ECM1: variants seen among roughly 807,000 people sequenced by gnomAD.
The protein encoded by ECM1 is extracellular matrix protein 1.
ECM1 carries 54 observed loss-of-function variants against 57.9 expected under a neutral mutation model. The observed-to-expected ratio is 0.93, with a 90% CI of 0.75 to 1.17. The LOEUF (loss-of-function observed/expected upper bound fraction) is 1.17. Among genes scored for constraint, ECM1 ranks in the 50% most tolerant of loss-of-function variants. ECM1 has a pLI of 0.00. For synonymous variants in ECM1, 237 were observed against 259.1 expected (o/e 0.91, Z 0.82); for missense variants, 649 against 688.1 (o/e 0.94, Z 0.64).
chr1:150,510,278 C>A, intron 5 of ECM1, 96 bp downstream of exon 5: 1 of 1,153,196 alleles, frequency 8.7e-7, no homozygotes, highest in Non-Finnish European at 1.3e-6. Flanking sequence ...CTCTGCCACT[C>A]ACCAGTTGTA....
At position 150,513,381 on chromosome 1, in the gene ECM1, G is replaced by A. The variant is rs1461659813; in HGVS notation, c.1537G>A (p.Asp513Asn). The A allele has an allele frequency of 6.2e-7, 1 of 1,614,094 alleles. No individual in the cohort carries two copies. Among genetic ancestry groups the A allele is most frequent in the African/African-American group, 1.3e-5 (1 of 74,944 alleles). Residue 513 changes from aspartate to asparagine, a missense_variant, in exon 10 of 10, where the codon GAC becomes AAC. Coordinates refer to ENST00000369047, the MANE Select transcript of ECM1 (RefSeq NM_004425.4). ...GAGGAACGTGGCTCTAGTGTCTGGA[G>A]ACACTGAGAACGCCAAGGGCCAGGG... is the stretch of plus-strand genomic sequence containing the variant. ...YLRNVALVSG[D>N]TENAKGQGEQ... is the part of the protein sequence containing the mutation.
chr1:150,512,394 G>T lies in ECM1; in HGVS notation c.1126G>T (p.Val376Leu). The part of the protein sequence containing the change: ...LDKYCDREYA[V>L]KTHHHLCCRH... ...CAAATACTGTGACCGGGAGTATGCT[G>T]TGAAGACCCACCACCACTTGTGTTG... Residue 376 changes from valine to leucine, a missense_variant, in exon 8 of 10, where the codon GTG becomes TTG. By Grantham distance (32) the Val-to-Leu change is conservative. Transcript: ENST00000369047. 1 of 1,613,272 alleles carries T rather than the reference G, an allele frequency of 6.2e-7. No individual in the cohort carries two copies. The highest frequency in any genetic ancestry group is 8.5e-7 in the Non-Finnish European group (1 of 1,179,896).
In ECM1 at chr1:150,511,563, A is replaced by C. The variant is rs1432925469; in HGVS notation, c.815A>C (p.Glu272Ala). 1 of 1,614,118 alleles carries C rather than the reference A, an allele frequency of 6.2e-7. No individual in the cohort carries two copies. Among genetic ancestry groups the C allele is most frequent in the Non-Finnish European group, 8.5e-7 (1 of 1,180,012 alleles). The change falls in exon 7 of 10, where the codon GAG becomes GCG. Residue 272 changes from glutamate (E) to alanine (A), a missense_variant. Glu to Ala is a moderately radical substitution (Grantham distance 107). Transcript: ENST00000369047. Reference sequence around the variant, plus strand: ...GAGGCTCGGTTCTCCTGCTTCCAGGAGGAAGCTCCCCAGCCACACTACCAG... The same window carrying C: ...GAGGCTCGGTTCTCCTGCTTCCAGGCGGAAGCTCCCCAGCCACACTACCAG... ...QGEARFSCFQ[E>A]EAPQPHYQLR...
rs767366253 is a variant in ECM1, at chr1:150,511,173, A to G, written c.683A>G (p.Asn228Ser). The change falls in exon 6 of 10, where the codon AAC becomes AGC. Residue 228 changes from asparagine to serine, a missense_variant. Asn to Ser is a conservative substitution (Grantham distance 46, BLOSUM62 1). Coordinates refer to ENST00000369047, the MANE Select transcript of ECM1 (RefSeq NM_004425.4). ...SRCCHCRSHT[N>S]RLECAKLVWE... Reference sequence around the variant, plus strand: ...TGCTGCCACTGCCGCAGCCACACAAACCGCCTAGAGTGTGCCAAACTTGTG... The same window carrying G: ...TGCTGCCACTGCCGCAGCCACACAAGCCGCCTAGAGTGTGCCAAACTTGTG... The G allele has an allele frequency of 1.9e-6, 3 of 1,613,850 alleles. No individual in the cohort carries two copies. The African/African-American group carries it at 4.0e-5, about 22-fold the overall frequency.
Position 150,513,449 on chromosome 1 carries a change from T to G in ECM1, c.1605T>G (p.Ser535=). The G allele has an allele frequency of 6.2e-7, 1 of 1,613,386 alleles. No individual in the cohort carries two copies. The highest frequency in any genetic ancestry group is 8.5e-7 in the Non-Finnish European group (1 of 1,179,982). Reference sequence around the variant, plus strand: ...GAGGAACAAATATCAGCTCCACCTCTGAGCCCAAGGAAGAATGAGTCACCC... The same window carrying G: ...GAGGAACAAATATCAGCTCCACCTCGGAGCCCAAGGAAGAATGAGTCACCC... ...STGGTNISST[S]EPKEE The change falls in exon 10 of 10, where the codon TCT becomes TCG. Residue 535 remains serine (S), a synonymous_variant. Transcript: ENST00000369047.
Position 150,511,596 on chromosome 1 carries a change from C to T in ECM1, c.848C>T (p.Ala283Val). ...CCCCAGCCACACTACCAGCTCCGGGCCTGCCCCAGCCATCAGCCTGATATT... is the reference window on the plus strand; with the variant it reads ...CCCCAGCCACACTACCAGCTCCGGGTCTGCCCCAGCCATCAGCCTGATATT... ...EAPQPHYQLR[A>V]CPSHQPDISS... The change falls in exon 7 of 10, where the codon GCC becomes GTC. Residue 283 changes from alanine to valine, a missense_variant. Coordinates refer to ENST00000369047, the MANE Select transcript of ECM1 (RefSeq NM_004425.4). 1 of 1,614,170 alleles carries T rather than the reference C, an allele frequency of 6.2e-7. No individual in the cohort carries two copies.
chr1:150,512,400 AC>A lies in ECM1; in HGVS notation c.1135del (p.His379ThrfsTer32). The A allele has an allele frequency of 6.2e-7, 1 of 1,612,596 alleles. No homozygotes were observed. Among genetic ancestry groups the A allele is most frequent in the South Asian group, 1.1e-5 (1 of 90,930 alleles). ...KYCDREYAVK[T>X]HHHLCCRHPP... ...CTGTGACCGGGAGTATGCTGTGAAG[AC>A]CCACCACCACTTGTGTTGCCGCCAC... On this transcript the variant is annotated frameshift_variant, in exon 8 of 10. Transcript: ENST00000369047. LOFTEE classifies it high-confidence loss of function.
Position 150,512,958 on chromosome 1 carries a change from GA to G in ECM1, c.1392+150del, listed in dbSNP as rs1385710734. On this transcript the variant is annotated intron_variant, in intron 9 of 9. Transcript: ENST00000369047. Reference sequence around the variant, plus strand: ...GGGAGGTGTTTTTTTCTTGGTTCCAGAAAAGTCTTCACTCTGACCTGGCCTG... The same window carrying G: ...GGGAGGTGTTTTTTTCTTGGTTCCAGAAAGTCTTCACTCTGACCTGGCCTG... The G allele has an allele frequency of 1.0e-5, 10 of 990,798 alleles. No homozygotes were observed. In the Admixed American group the frequency reaches 1.0e-4, roughly 10 times the overall value. The allele number at this position is 990,798 out of a possible 1,614,324, so 61.4% of individuals were successfully genotyped here.
chr1:150,512,079 C>T (rs875514), intron 7 of ECM1, among the ~76,000 whole-genome samples: 3 of 150,190 alleles, frequency 2.0e-5, no homozygotes, highest in African/African-American at 4.9e-5. Flanking sequence ...TCCATCCATC[C>T]GTCCAGCTCT....
intron 8 of ECM1, 52 bp downstream of exon 8, chr1:150,512,624 T>C (rs1670475868): frequency 6.2e-7 from 1 of 1,612,712 alleles, no homozygotes; most frequent in African/African-American, 1.3e-5. Flanking sequence ...AACTTCCTTT[T>C]GGGACACCTT....
rs374399587 is a variant in ECM1 at position 150,511,002 on chromosome 1, G to A, written c.512G>A (p.Arg171Gln). 118 of 1,614,040 alleles carry A rather than the reference G, an allele frequency of 7.3e-5. No individual in the cohort carries two copies. Among genetic ancestry groups the A allele is most frequent in the Middle Eastern group, 1.6e-4 (1 of 6,084 alleles). Residue 171 changes from arginine (R) to glutamine (Q), a missense_variant, in exon 6 of 10, where the codon CGG (arginine) becomes CAG (glutamine). Coordinates refer to ENST00000369047, the MANE Select transcript of ECM1 (RefSeq NM_004425.4). ...GHRLDGFPPG[R>Q]PSPDNLNQIC... ...CGGCTGGATGGCTTCCCCCCTGGGC[G>A]GCCTTCTCCAGACAATCTGAACCAA...
intron 5 of ECM1, chr1:150,510,437 T>C: frequency 6.7e-6 from 4 of 594,086 alleles, no homozygotes; most frequent in South Asian, 4.1e-5. Flanking sequence ...TCTTTGTGCA[T>C]GTAAACTAGC....
chr1:150,508,141 C>T lies in ECM1; in HGVS notation c.-69C>T, dbSNP rs751558983. The T allele has an allele frequency of 3.4e-6, 5 of 1,463,838 alleles. No individual in the cohort carries two copies. The highest frequency in any genetic ancestry group is 4.8e-6 in the Non-Finnish European group (5 of 1,044,244). 90.7% of individuals were successfully genotyped at this position (1,463,838 alleles called of 1,614,324 possible). On this transcript the variant is annotated 5_prime_UTR_variant, in exon 1 of 10. Coordinates refer to ENST00000369047, the MANE Select transcript of ECM1 (RefSeq NM_004425.4). The stretch of plus-strand genomic sequence containing the variant: ...ACAGCCACCAGACAAGCTTCAGTGG[C>T]CGGCCCTTCACATCCAGACTTGCCT...
chr1:150,508,746 G>A (rs967766531), intron 1 of ECM1, among the ~76,000 whole-genome samples: 2 of 152,074 alleles, frequency 1.3e-5, no homozygotes, highest in African/African-American at 4.8e-5. Context: ...TTCTTTATCT[G>A]CTTTGATGCC....
chr1:150,513,384 A>T lies in ECM1; in HGVS notation c.1540A>T (p.Thr514Ser). ...LRNVALVSGD[T>S]ENAKGQGEQG... ...GAACGTGGCTCTAGTGTCTGGAGAC[A>T]CTGAGAACGCCAAGGGCCAGGGGGA... Residue 514 changes from threonine (T) to serine (S), a missense_variant, in exon 10 of 10, where the codon ACT (threonine) becomes TCT (serine). Thr to Ser is a moderately conservative substitution (Grantham distance 58). Transcript: ENST00000369047. 1 of 1,614,226 alleles carries T rather than the reference A, an allele frequency of 6.2e-7. No individual in the cohort carries two copies. The highest frequency in any genetic ancestry group is 8.5e-7 in the Non-Finnish European group (1 of 1,180,026).
In ECM1 at chr1:150,511,709, G is replaced by A. The variant is rs1373481225; in HGVS notation, c.961G>A (p.Val321Met). The change falls in exon 7 of 10, where the codon GTG becomes ATG. Residue 321 changes from valine (V) to methionine (M), a missense_variant. Transcript: ENST00000369047. ...CTGCCACCTGAGGCGCTTCCGCTCT[G>A]TGCCACGCAACCTGCCAGCTACTGA... ...NICHLRRFRS[V>M]PRNLPATDPL... is the part of the protein sequence containing the mutation. The A allele has an allele frequency of 6.2e-7, 1 of 1,614,132 alleles. No individual in the cohort carries two copies. Among genetic ancestry groups the A allele is most frequent in the Non-Finnish European group, 8.5e-7 (1 of 1,180,016 alleles).
In ECM1 at chr1:150,513,627, G is replaced by A. The variant is rs1403313500; in HGVS notation, c.*160G>A. 3 of 698,196 alleles carry A rather than the reference G, an allele frequency of 4.3e-6. No individual in the cohort carries two copies. The highest frequency in any genetic ancestry group is 2.9e-5 in the Admixed American group (1 of 34,134). 43.3% of individuals were successfully genotyped at this position (698,196 alleles called of 1,614,324 possible). ...AGTGGATCTTGGTGCCCTGGCCCAG[G>A]AGGGCACTGGCGTTTTCAGACACAC... On this transcript the variant is annotated 3_prime_UTR_variant, in exon 10 of 10. Coordinates refer to ENST00000369047, the MANE Select transcript of ECM1 (RefSeq NM_004425.4).
chr1:150,512,743 G>A lies in ECM1; in HGVS notation c.1323G>A (p.Leu441=). The A allele has an allele frequency of 6.2e-7, 1 of 1,614,092 alleles. No individual in the cohort carries two copies. The highest frequency in any genetic ancestry group is 1.1e-5 in the South Asian group (1 of 91,078). ...AACATAGTAAACATATTCCTGGGCTGATCCACAACATGACTGCCCGCTGCT... is the reference window on the plus strand; with the variant it reads ...AACATAGTAAACATATTCCTGGGCTAATCCACAACATGACTGCCCGCTGCT... ...VLTKHKHIPG[L]IHNMTARCCD... The change falls in exon 9 of 10, where the codon CTG becomes CTA. Residue 441 remains leucine (L), a synonymous_variant. Transcript: ENST00000369047.
rs1489787804 is a variant in ECM1 at position 150,508,259 on chromosome 1, C to A, written c.50C>A (p.Ala17Asp). The change falls in exon 1 of 10, where the codon GCT becomes GAT. Residue 17 changes from alanine to aspartate, a missense_variant. Physicochemically the swap from Ala to Asp is moderately radical, Grantham distance 126 (BLOSUM62 -2). Transcript: ENST00000369047. ...AALVLTYLAV[A>D]SAASEGGFTA... ...TTGGTCTTGACCTATTTGGCTGTTG[C>A]TTCTGCTGCCTCTGAGGGAGGTGAG... 9.9e-6 allele frequency: 16 copies of A among 1,614,028 alleles called. No individual in the cohort carries two copies. Among genetic ancestry groups the A allele is most frequent in the Admixed American group, 1.7e-5 (1 of 60,022 alleles).
Sources: allele counts gnomAD v4.1 joint callset (sites outside exome capture counted in the v4.1 genomes callset), GRCh38; gene constraint gnomAD v4.1.1; transcripts MANE v1.5; gene names NCBI Gene and HGNC (gene_info 2026-07-23, HGNC 2026-07-21).